TRPM7: variants seen among roughly 807,000 people sequenced by gnomAD.
TRPM7 encodes the protein transient receptor potential cation channel subfamily M member 7, also known as LTRPC ion channel family member 7.
TRPM7 carries 134 observed loss-of-function variants against 229.7 expected under a neutral mutation model. That is an observed-to-expected ratio of 0.58 (90% CI 0.51 to 0.67). TRPM7 has a LOEUF of 0.67. Among genes scored for constraint, TRPM7 ranks in the 30% least tolerant of loss-of-function variants. The pLI is 0.00. For missense variants in TRPM7, 1,901 were observed against 2,210.0 expected (o/e 0.86, Z 2.80); for synonymous variants, 699 against 715.2 (o/e 0.98, Z 0.36).
chr15:50,627,941 T>C (rs564862188), intron 11 of TRPM7, among the ~76,000 whole-genome samples: 1 of 152,302 alleles, frequency 6.6e-6, no homozygotes, highest in East Asian at 1.9e-4. Context: ...TTCTTAGAGA[T>C]CTATATACTC....
At chr15:50,656,784 G>A (rs2061585401) in intron 3 of TRPM7, among the ~76,000 whole-genome samples, 1 of 151,814 alleles carries the variant, frequency 6.6e-6, no homozygotes, top group South Asian at 2.1e-4. Context: ...AGACCCTAAA[G>A]CATATTACAA....
At chr15:50,623,195 C>T (rs193125425) in intron 12 of TRPM7, among the ~76,000 whole-genome samples, 79 of 151,964 alleles carry the variant, frequency 5.2e-4, no homozygotes, top group Middle Eastern at 3.4e-3. Flanking sequence ...GGGCAGATCA[C>T]GAGGTCAAGA....
In TRPM7 at chr15:50,592,238, C is replaced by G. The variant is rs763141199; in HGVS notation, c.3997G>C (p.Asp1333His). 1 of 1,614,126 alleles carries G rather than the reference C, an allele frequency of 6.2e-7. No individual in the cohort carries two copies. ...KDPQCNIFGQDLPAVPQRKEF... is the reference protein window; with the variant it reads ...KDPQCNIFGQHLPAVPQRKEF... ...TTTCTCTGGGGTACTGCAGGTAAGT[C>G]TTGACCAAATATATTACACTGGGGA... Residue 1333 changes from aspartate (D) to histidine (H), a missense_variant, in exon 26 of 39, where the codon GAC becomes CAC. Asp to His is a moderately conservative substitution (Grantham distance 81, BLOSUM62 -1). Coordinates refer to ENST00000646667, the MANE Select transcript of TRPM7 (RefSeq NM_017672.6).
At chr15:50,578,540 GAAGTCTA>G (rs947175478) in intron 31 of TRPM7, 92 bp downstream of exon 31, 1 of 1,186,762 alleles carries the variant, frequency 8.4e-7, no homozygotes, top group African/African-American at 1.5e-5. Flanking sequence ...TTTCTAGCTT[GAAGTCTA>G]AAATATCTTA....
chr15:50,660,372 AAAAT>A (rs2061692637), intron 2 of TRPM7, among the ~76,000 whole-genome samples: 1 of 152,166 alleles, frequency 6.6e-6, no homozygotes, highest in Non-Finnish European at 1.5e-5. Context: ...CTGTCAACTA[AAAAT>A]AAATAAATGT....
At chr15:50,567,056 A>G (rs1173381697) in intron 38 of TRPM7, among the ~76,000 whole-genome samples, 1 of 151,994 alleles carries the variant, frequency 6.6e-6, no homozygotes, top group Non-Finnish European at 1.5e-5. Flanking sequence ...AAAAAAATGG[A>G]CCAATTCCTT....
chr15:50,659,795 G>C (rs1018921321), intron 2 of TRPM7, among the ~76,000 whole-genome samples: 8 of 151,972 alleles, frequency 5.3e-5, no homozygotes, highest in Non-Finnish European at 1.0e-4. Context: ...AGCCTCCCAA[G>C]TAGCTGGGAT....
chr15:50,586,295 G>A, intron 28 of TRPM7, 97 bp downstream of exon 28: 3 of 770,846 alleles, frequency 3.9e-6, no homozygotes, highest in Non-Finnish European at 4.3e-6. Context: ...TCTGACTCCT[G>A]CACCATTCAC....
chr15:50,589,265 T>C (rs2059422386), intron 27 of TRPM7, among the ~76,000 whole-genome samples: 1 of 127,282 alleles, frequency 7.9e-6, no homozygotes, highest in Admixed American at 1.1e-4. Flanking sequence ...GAGGTTGCAG[T>C]AAGCGGAGAT....
At chr15:50,573,202 T>C (rs1248484045) in intron 36 of TRPM7, among the ~76,000 whole-genome samples, 1 of 152,210 alleles carries the variant, frequency 6.6e-6, no homozygotes, top group Non-Finnish European at 1.5e-5. Context: ...TCGCCTCCCC[T>C]TGAATGTGGG....
chr15:50,668,850 C>T (rs1298178475), intron 1 of TRPM7, among the ~76,000 whole-genome samples: 2 of 152,240 alleles, frequency 1.3e-5, no homozygotes, highest in East Asian at 3.9e-4. Flanking sequence ...TCGGTTTTCT[C>T]TTGTGACAGG....
intron 11 of TRPM7, among the ~76,000 whole-genome samples, chr15:50,627,309 A>AG: frequency 1.3e-5 from 2 of 152,268 alleles, no homozygotes; most frequent in East Asian, 3.9e-4. Flanking sequence ...ATGCTGGTTT[A>AG]GGGGGATGCT....
At chr15:50,664,567 A>G (rs558778589) in intron 1 of TRPM7, among the ~76,000 whole-genome samples, 1 of 152,178 alleles carries the variant, frequency 6.6e-6, no homozygotes, top group Non-Finnish European at 1.5e-5. Context: ...TAACCAAATA[A>G]AAGTTTCAAA....
intron 1 of TRPM7, among the ~76,000 whole-genome samples, chr15:50,669,992 G>C (rs1290351081): frequency 2.6e-5 from 4 of 152,122 alleles, no homozygotes; most frequent in Admixed American, 6.6e-5. Context: ...AGGAATGCAG[G>C]ATAAGCTTAC....
chr15:50,622,558 A>G (rs772471712), intron 12 of TRPM7, among the ~76,000 whole-genome samples: 3 of 152,262 alleles, frequency 2.0e-5, no homozygotes, highest in Non-Finnish European at 4.4e-5. Flanking sequence ...AAATGCCAAC[A>G]AAGTTCAACG....
chr15:50,657,983 T>G (rs1228346153), intron 2 of TRPM7, among the ~76,000 whole-genome samples, 164 bp from the exon 3 acceptor site: 2 of 151,744 alleles, frequency 1.3e-5, no homozygotes, highest in Non-Finnish European at 2.9e-5. Flanking sequence ...TTCAAATAAC[T>G]ATTTTTTAAC....
In TRPM7 at chr15:50,634,411, C is replaced by T. The variant is rs1006679654; in HGVS notation, c.978G>A (p.Ala326=). The stretch of plus-strand genomic sequence containing the variant: ...CTTCTTCTGTTTGTTTATGAATATA[C>T]GCTAGCAGATCTGCAGCTCTGCCTG... ...EGTGRAADLL[A]YIHKQTEEGG... Residue 326 remains alanine (A), a synonymous_variant, in exon 8 of 39, where the codon GCG becomes GCA. Transcript: ENST00000646667. 9 of 1,583,092 alleles carry T rather than the reference C, an allele frequency of 5.7e-6. No individual in the cohort carries two copies. Among genetic ancestry groups the T allele is most frequent in the Admixed American group, 1.8e-5 (1 of 54,800 alleles).
At chr15:50,639,370 T>C (rs1208056957) in intron 6 of TRPM7, 54 bp downstream of exon 6, 1 of 1,409,354 alleles carries the variant, frequency 7.1e-7, no homozygotes, top group East Asian at 2.5e-5. Context: ...ATTCTTACTA[T>C]AATTTTGTTT....
rs143654304 is a variant in TRPM7, at chr15:50,614,604, G to T, written c.1495-341C>A. On this transcript the variant is annotated intron_variant, in intron 13 of 38. Coordinates refer to ENST00000646667, the MANE Select transcript of TRPM7 (RefSeq NM_017672.6). ...TGCTTGAACTTGGGAGGCGGAAGTT[G>T]CAGTGAGCCAAGATCGTGCCACTGC... 1.7e-3 allele frequency among the ~76,000 whole-genome samples: 249 copies of T among 147,440 alleles called. 1 individual carries two copies. The highest frequency in any genetic ancestry group is 5.8e-3 in the African/African-American group (227 of 39,138).
Sources: gnomAD v4.1 joint callset for allele counts (sites outside exome capture counted in the v4.1 genomes callset) on GRCh38, gnomAD v4.1.1 for gene constraint, MANE v1.5 for transcripts, NCBI Gene and HGNC (gene_info 2026-07-23, HGNC 2026-07-21) for gene names.